ITFG2: variants seen among roughly 807,000 people sequenced by gnomAD.
The protein encoded by ITFG2 is integrin alpha FG-GAP repeat containing 2.
A neutral mutation model predicts 54.4 loss-of-function variants in ITFG2; 36 were observed. The observed-to-expected ratio is 0.66, with a 90% CI of 0.51 to 0.87. ITFG2 has a LOEUF of 0.87. Ranked by LOEUF, ITFG2 falls within the 40% of genes least tolerant of loss-of-function variation. ITFG2 has a pLI of 0.00. For synonymous variants in ITFG2, 211 were observed against 225.4 expected, an observed-to-expected ratio of 0.94 and a Z score of 0.57; for missense variants, 524 against 576.7, an observed-to-expected ratio of 0.91 and a Z score of 0.94.
At chr12:2,851,605 A>G (rs891627337) in intron 2 of ITFG2, among the ~76,000 whole-genome samples, 4 of 151,966 alleles carry the variant, frequency 2.6e-5, no homozygotes, top group African/African-American at 9.7e-5. Context: ...GGCCTCCCAG[A>G]GTGTTGGGAT....
Position 2,820,794 on chromosome 12 carries a change from C to T in ITFG2, c.617C>T (p.Ala206Val), listed in dbSNP as rs1345716211. ...PELMVSQPGC[A>V]YAILLCTWKK... ...CTGATGGTGTCTCAGCCAGGTTGTG[C>T]GTATGCAATTCTACTGTGTACCTGG... The change falls in exon 6 of 12, where the codon GCG becomes GTG. Residue 206 changes from alanine to valine, a missense_variant. By Grantham distance (64) the Ala-to-Val change is moderately conservative (BLOSUM62 0). Coordinates refer to ENST00000228799, the MANE Select transcript of ITFG2 (RefSeq NM_018463.4). 19 of 1,613,860 alleles carry T rather than the reference C, an allele frequency of 1.2e-5. 1 individual carries two copies. The South Asian group carries it at 1.3e-4, about 11-fold the overall frequency.
downstream of ITFG2, among the ~76,000 whole-genome samples, chr12:2,829,590 G>A (rs932961455): frequency 1.3e-5 from 2 of 150,920 alleles, no homozygotes; most frequent in South Asian, 2.1e-4. Context: ...CCTGACCAAC[G>A]TGGTAGTCTA....
chr12:2,820,910 A>G, intron 6 of ITFG2, 38 bp downstream of exon 6: 2 of 1,604,640 alleles, frequency 1.2e-6, no homozygotes, highest in Non-Finnish European at 1.7e-6. Context: ...GTGGGGGTGC[A>G]TGGAAGCAGG....
chr12:2,839,063 A>T (rs1044333361), intron 1 of ITFG2, among the ~76,000 whole-genome samples: 1 of 152,012 alleles, frequency 6.6e-6, no homozygotes, highest in Non-Finnish European at 1.5e-5. Context: ...AGGCTGAGGC[A>T]GGTGGATCAC....
intron 2 of ITFG2, among the ~76,000 whole-genome samples, chr12:2,844,522 C>T (rs998864999): frequency 6.6e-6 from 1 of 152,106 alleles, no homozygotes; most frequent in African/African-American, 2.4e-5. Flanking sequence ...CCACTGCACT[C>T]CAGCCTGGAC....
At chr12:2,812,940 CACG>C in intron 1 of ITFG2, 84 bp downstream of exon 1, 2 of 1,205,936 alleles carry the variant, frequency 1.7e-6, no homozygotes, top group Non-Finnish European at 2.4e-6. Flanking sequence ...CCGAGCGTGC[CACG>C]TGAGCGTGAG....
rs1189753828 is a variant in ITFG2, at chr12:2,817,932, CGT to C, written c.221_222del (p.Cys74Ter). 9.3e-6 allele frequency: 15 copies of C among 1,613,744 alleles called. No homozygotes were observed. Among genetic ancestry groups the C allele is most frequent in the Non-Finnish European group, 1.2e-5 (14 of 1,179,958 alleles). On this transcript the variant is annotated frameshift_variant, in exon 3 of 12. Transcript: ENST00000228799. LOFTEE classifies it high-confidence loss of function. ...AGCTGACTTGCGTTGGGGTTGGAGA[CGT>C]GTGTAATAAAGGAAAGGTAAGAACT... is the stretch of plus-strand genomic sequence containing the variant. ...GMLTCVGVGD[V>X]CNKGKNLLVA... is the part of the protein sequence containing the mutation.
At chr12:2,834,615 G>A (rs376452238), upstream of ITFG2, 13 of 1,544,692 alleles carry the variant, frequency 8.4e-6, no homozygotes, top group African/African-American at 6.9e-5. Flanking sequence ...GCCAGGGGAC[G>A]CTGGCAGGGG....
rs145568422 is a variant in ITFG2 at position 2,857,464 on chromosome 12, C to T, written n.301-548C>T. 572 of 219,612 alleles carry T rather than the reference C, an allele frequency of 2.6e-3. 2 individuals carry two copies. The highest frequency in any genetic ancestry group is 4.0e-3 in the Non-Finnish European group (427 of 107,322). 13.6% of individuals were successfully genotyped at this position (219,612 alleles called of 1,614,324 possible). On this transcript the variant is annotated intron_variant and non_coding_transcript_variant, in intron 2 of 3. Coordinates refer to the ITFG2 transcript ENST00000537710. ...AGGTCCCAAGGAACAAGGTCAGAGA[C>T]GCCAGGGAAAAGAGGTGAGCTGTGC...
intron 3 of ITFG2, chr12:2,858,881 G>C: frequency 3.1e-6 from 5 of 1,614,100 alleles, no homozygotes; most frequent in Non-Finnish European, 4.2e-6. Context: ...CGGAGATGAG[G>C]TCTAAGGGTT....
downstream of ITFG2, chr12:2,827,331 C>T: frequency 6.3e-7 from 1 of 1,594,712 alleles, no homozygotes; most frequent in Non-Finnish European, 8.5e-7. The surrounding 1 kb of genome is among the most constrained non-coding windows in gnomAD (Gnocchi z 4.0). Flanking sequence ...TGCCAGGTCA[C>T]CTCAGCCCGC....
intron 2 of ITFG2, among the ~76,000 whole-genome samples, chr12:2,846,666 G>T (rs907455038): frequency 6.6e-6 from 1 of 151,882 alleles, no homozygotes; most frequent in Non-Finnish European, 1.5e-5. Flanking sequence ...CCAGTCCAGA[G>T]TGAGGAGATT....
At chr12:2,834,495 T>A (rs2098018449), upstream of ITFG2, 1 of 1,154,904 alleles carries the variant, frequency 8.7e-7, no homozygotes. Flanking sequence ...GAGCCTTGAG[T>A]TGGCAGGATG....
intron 1 of ITFG2, among the ~76,000 whole-genome samples, chr12:2,839,337 T>C (rs1167524858): frequency 6.6e-6 from 1 of 152,156 alleles, no homozygotes; most frequent in Non-Finnish European, 1.5e-5. Context: ...TCCATTGGTC[T>C]CTAATAATGA....
rs1408100431 is a variant in ITFG2, at chr12:2,823,759, A to G, written c.1067-11A>G. 4 of 1,530,952 alleles carry G rather than the reference A, an allele frequency of 2.6e-6. No homozygotes were observed. The highest frequency in any genetic ancestry group is 2.6e-5 in the South Asian group (2 of 77,994). The allele number at this position is 1,530,952 out of a possible 1,614,324, so 94.8% of individuals were successfully genotyped here. The stretch of plus-strand genomic sequence containing the variant: ...CTTCCTGACCTTTATCTCCCTGCCA[A>G]CATCTTCCAGGCCTGTACGCCTGCA... On this transcript the variant is annotated splice_polypyrimidine_tract_variant and intron_variant, in intron 10 of 11. Transcript: ENST00000228799.
At chr12:2,855,659 T>C (rs1565454071) in intron 2 of ITFG2, among the ~76,000 whole-genome samples, 1 of 152,192 alleles carries the variant, frequency 6.6e-6, no homozygotes, top group African/African-American at 2.4e-5. Context: ...CACTCATCTT[T>C]TGATCTCTTG....
At chr12:2,840,039 C>T (rs767277340) in intron 1 of ITFG2, among the ~76,000 whole-genome samples, 33 of 151,548 alleles carry the variant, frequency 2.2e-4, no homozygotes, top group Admixed American at 6.6e-4. Flanking sequence ...CAAGAGAAGC[C>T]CAGACCTGAG....
downstream of ITFG2, chr12:2,827,167 A>G: frequency 6.2e-7 from 1 of 1,613,446 alleles, no homozygotes; most frequent in African/African-American, 1.3e-5. The surrounding 1 kb of genome is among the most constrained non-coding windows in gnomAD (Gnocchi z 4.0). Context: ...TCTTCTTCTA[A>G]GGCAAGGTCT....
rs148979658 is a variant in ITFG2, at chr12:2,822,799, C to T, written c.954C>T (p.Asn318=). 1.7e-5 allele frequency: 28 copies of T among 1,613,416 alleles called. No homozygotes were observed. Among genetic ancestry groups the T allele is most frequent in the African/African-American group, 5.3e-5 (4 of 74,984 alleles). ...FALEKLDVTG[N]GHEEVVACAW... ...TTGTCTCTGTCCTTTTTCAGGGCAA[C>T]GGGCATGAGGAGGTAGTTGCATGCG... is the stretch of plus-strand genomic sequence containing the variant. Residue 318 remains asparagine (N), a synonymous_variant, in exon 10 of 12, where the codon AAC becomes AAT. Transcript: ENST00000228799.
Sources: allele counts gnomAD v4.1 joint callset (sites outside exome capture counted in the v4.1 genomes callset), GRCh38; gene constraint gnomAD v4.1.1; non-coding constraint Gnocchi (gnomAD v3.1); transcripts MANE v1.5; gene names NCBI Gene and HGNC (gene_info 2026-07-23, HGNC 2026-07-21).